RBFOX1: variants seen among roughly 807,000 people sequenced by gnomAD.
RBFOX1 encodes the protein RNA binding fox-1 homolog 1.
A neutral mutation model predicts 57.7 loss-of-function variants in RBFOX1; 8 were observed. That is an observed-to-expected ratio of 0.14 (90% CI 0.08 to 0.25). RBFOX1 has a LOEUF of 0.25. Among genes scored for constraint, RBFOX1 ranks in the 10% least tolerant of loss-of-function variants. The pLI, the probability that RBFOX1 is intolerant of heterozygous loss-of-function variation, is 1.00. For synonymous variants in RBFOX1, 326 were observed against 222.4 expected, an observed-to-expected ratio of 1.47 and a Z score of -4.15; for missense variants, 611 against 548.5, an observed-to-expected ratio of 1.11 and a Z score of -1.14.
Position 7,285,378 on chromosome 16 carries a change from TTGTG to T in RBFOX1, c.28-232745_28-232742del, listed in dbSNP as rs113808623. Among the ~76,000 whole-genome samples, 852 of 147,648 alleles carry T rather than the reference TTGTG, an allele frequency of 5.8e-3. 11 individuals carry two copies. The highest frequency in any genetic ancestry group is 0.02 in the African/African-American group (810 of 40,358). ...ATTTCCCCAATGTTACTTGCATTAA[TTGTG>T]TGTGTGTGTGTGTGTGTGTGTGTTT... On this transcript the variant is annotated intron_variant, in intron 4 of 15. Coordinates refer to ENST00000550418, the MANE Select transcript of RBFOX1 (RefSeq NM_018723.4).
At chr16:6,065,366 G>A (rs1477092830) in intron 1 of RBFOX1, among the ~76,000 whole-genome samples, 1 of 152,012 alleles carries the variant, frequency 6.6e-6, no homozygotes, top group Non-Finnish European at 1.5e-5. Context: ...AGGAACACTG[G>A]GGATGTCTGT....
intron 1 of RBFOX1, among the ~76,000 whole-genome samples, chr16:5,300,315 G>A (rs977679569): frequency 2.6e-5 from 4 of 152,040 alleles, no homozygotes; most frequent in African/African-American, 9.7e-5. Flanking sequence ...CCTCATCTCA[G>A]GACACAAGGG....
At chr16:7,268,966 G>T (rs2095248619) in intron 4 of RBFOX1, among the ~76,000 whole-genome samples, 1 of 148,994 alleles carries the variant, frequency 6.7e-6, no homozygotes, top group South Asian at 2.1e-4. Context: ...GAACCCTGAA[G>T]GCAGAGTTTG....
At chr16:5,374,656 T>A (rs753402863) in intron 1 of RBFOX1, among the ~76,000 whole-genome samples, 2 of 151,710 alleles carry the variant, frequency 1.3e-5, no homozygotes, top group Non-Finnish European at 2.9e-5. Context: ...TCTTTGAACA[T>A]GTTTTAACAC....
chr16:6,078,905 G>A (rs1231508105), intron 1 of RBFOX1, among the ~76,000 whole-genome samples: 1 of 152,124 alleles, frequency 6.6e-6, no homozygotes, highest in Admixed American at 6.6e-5. Flanking sequence ...TGTTAATGTG[G>A]TAAAAATGTC....
At chr16:6,857,587 C>T (rs373488652) in intron 3 of RBFOX1, among the ~76,000 whole-genome samples, 3 of 152,122 alleles carry the variant, frequency 2.0e-5, no homozygotes, top group South Asian at 4.1e-4. Context: ...ATTTAATCGC[C>T]GTAGCTCTTT....
At chr16:7,117,178 C>T in intron 4 of RBFOX1, among the ~76,000 whole-genome samples, 1 of 152,080 alleles carries the variant, frequency 6.6e-6, no homozygotes, top group Non-Finnish European at 1.5e-5. Context: ...AGAGAGGTGG[C>T]AGGTTGGAAG....
At chr16:6,547,275 C>T (rs1292395983) in intron 2 of RBFOX1, among the ~76,000 whole-genome samples, 1 of 152,148 alleles carries the variant, frequency 6.6e-6, no homozygotes, top group African/African-American at 2.4e-5. Context: ...TCATTACCAG[C>T]CCCGGCTGGT....
At chr16:7,642,044 G>A (rs764794846) in intron 11 of RBFOX1, among the ~76,000 whole-genome samples, 7 of 152,206 alleles carry the variant, frequency 4.6e-5, no homozygotes, top group Non-Finnish European at 7.3e-5. Flanking sequence ...GAGCCCAGGA[G>A]TTTGAGATTG....
At chr16:6,525,114 CAG>C (rs1400265996) in intron 2 of RBFOX1, among the ~76,000 whole-genome samples, 2 of 152,132 alleles carry the variant, frequency 1.3e-5, no homozygotes, top group Non-Finnish European at 2.9e-5. Flanking sequence ...AACTGTAAAA[CAG>C]AGATATTTGG....
chr16:6,134,403 G>A (rs2096651272), intron 1 of RBFOX1, among the ~76,000 whole-genome samples: 1 of 152,142 alleles, frequency 6.6e-6, no homozygotes, highest in Admixed American at 6.6e-5. Context: ...AGGATCTGAT[G>A]GATATCCACT....
chr16:7,297,518 T>G (rs898097418), intron 4 of RBFOX1, among the ~76,000 whole-genome samples: 6 of 152,206 alleles, frequency 3.9e-5, no homozygotes, highest in African/African-American at 1.4e-4. Context: ...GATGCTAAGG[T>G]GCTATGTAGC....
intron 1 of RBFOX1, among the ~76,000 whole-genome samples, chr16:6,107,440 A>G (rs2096394806): frequency 6.6e-6 from 1 of 152,150 alleles, no homozygotes; most frequent in African/African-American, 2.4e-5. Context: ...ACTCCTCTGA[A>G]GCTAAACTTA....
At chr16:7,608,532 C>G (rs758017469) in intron 10 of RBFOX1, among the ~76,000 whole-genome samples, 1 of 152,154 alleles carries the variant, frequency 6.6e-6, no homozygotes, top group Non-Finnish European at 1.5e-5. Flanking sequence ...GAGACTTAGC[C>G]GTCAGGCTTT....
chr16:7,519,671 C>A, intron 5 of RBFOX1: 5 of 985,148 alleles, frequency 5.1e-6, no homozygotes, highest in Non-Finnish European at 6.0e-6. Flanking sequence ...TCTTTAGAAG[C>A]TTGGGAACCC....
chr16:5,951,503 A>G (rs916469983), intron 4 of RBFOX1, among the ~76,000 whole-genome samples: 3 of 152,154 alleles, frequency 2.0e-5, no homozygotes, highest in Non-Finnish European at 4.4e-5. Context: ...GTGTATATAT[A>G]TAACTATGTA....
chr16:6,839,883 C>T (rs186096675), intron 3 of RBFOX1, among the ~76,000 whole-genome samples: 3 of 152,314 alleles, frequency 2.0e-5, no homozygotes, highest in Admixed American at 1.3e-4. Flanking sequence ...CCCCTCCCAT[C>T]CCATTCTCTC....
intron 2 of RBFOX1, among the ~76,000 whole-genome samples, chr16:5,538,848 G>C (rs1021878506): frequency 6.6e-6 from 1 of 151,944 alleles, no homozygotes; most frequent in Non-Finnish European, 1.5e-5. Flanking sequence ...TGATGTTCTC[G>C]ATCTCCTGAC....
intron 2 of RBFOX1, among the ~76,000 whole-genome samples, chr16:6,410,694 C>G (rs1821503426): frequency 6.6e-6 from 1 of 152,086 alleles, no homozygotes; most frequent in Non-Finnish European, 1.5e-5. Context: ...GGTGGGTGCA[C>G]GTTGAATCAC....
Sources: gnomAD v4.1 joint callset for allele counts (sites outside exome capture counted in the v4.1 genomes callset) on GRCh38, gnomAD v4.1.1 for gene constraint, MANE v1.5 for transcripts, NCBI Gene and HGNC (gene_info 2026-07-23, HGNC 2026-07-21) for gene names.